FRG1: variants seen among roughly 807,000 people sequenced by gnomAD.
FRG1 encodes the protein protein FRG1.
A neutral mutation model predicts 37.0 loss-of-function variants in FRG1; 19 were observed. The observed-to-expected ratio is 0.51, with a 90% CI of 0.36 to 0.75. FRG1 has a LOEUF of 0.75. FRG1 is among the 30% of genes least tolerant of loss of function. The pLI, the probability that FRG1 is intolerant of heterozygous loss-of-function variation, is 0.00. For synonymous variants in FRG1, 73 were observed against 96.5 expected, an observed-to-expected ratio of 0.76 and a Z score of 1.43; for missense variants, 243 against 301.4, an observed-to-expected ratio of 0.81 and a Z score of 1.44.
rs1054614968 is a variant in FRG1, at chr4:189,940,943, G to C, written c.-67G>C. 6.1e-6 allele frequency: 8 copies of C among 1,309,406 alleles called. No homozygotes were observed. In the African/African-American group the frequency reaches 1.1e-4, roughly 17 times the overall value. The allele number at this position is 1,309,406 out of a possible 1,614,324, so 81.1% of individuals were successfully genotyped here. A position where few individuals can be genotyped will look rare whatever the true frequency, so the allele number is the denominator to read the frequency against. On this transcript the variant is annotated 5_prime_UTR_variant, in exon 1 of 9. Transcript: ENST00000226798. ...CGCTTCTGTTTCTCCGCGCCCCTGT[G>C]CTGCCCCGACTCACATACTCGTCCA...
intron 4 of FRG1, among the ~76,000 whole-genome samples, chr4:189,953,349 T>A (rs2126812156): frequency 6.6e-6 from 1 of 152,192 alleles, no homozygotes; most frequent in East Asian, 1.9e-4. Flanking sequence ...GATTAATAAT[T>A]TCACATACCG....
rs757535867 is a variant in FRG1 at position 189,941,001 on chromosome 4, C to T, written c.-9C>T. 1.2e-6 allele frequency: 2 copies of T among 1,613,214 alleles called. No homozygotes were observed. Among genetic ancestry groups the T allele is most frequent in the Non-Finnish European group, 1.7e-6 (2 of 1,179,334 alleles). The stretch of plus-strand genomic sequence containing the variant: ...CCTCAGCCTCTCCGCGCAGAAGTTT[C>T]CCGGAGCCATGGCCGAGTACTCCTA... On this transcript the variant is annotated 5_prime_UTR_variant, in exon 1 of 9. Coordinates refer to ENST00000226798, the MANE Select transcript of FRG1 (RefSeq NM_004477.3).
intron 7 of FRG1, chr4:189,961,107 G>T: frequency 2.7e-6 from 1 of 365,322 alleles, no homozygotes; most frequent in Non-Finnish European, 5.1e-6. Flanking sequence ...ACACAATGTA[G>T]CCTCTAGGAC....
chr4:189,962,375 G>A (rs1376194276), intron 8 of FRG1, among the ~76,000 whole-genome samples: 3 of 152,116 alleles, frequency 2.0e-5, no homozygotes, highest in Non-Finnish European at 4.4e-5. Context: ...AGTGCAGGAT[G>A]TTTATCATAC....
intron 8 of FRG1, among the ~76,000 whole-genome samples, chr4:189,962,469 G>C (rs562043226): frequency 2.2e-4 from 34 of 152,152 alleles, no homozygotes; most frequent in Admixed American, 5.9e-4. Context: ...ACGTTTAGCT[G>C]TGAGTGTACA....
At chr4:189,962,273 A>G (rs1193183747) in intron 8 of FRG1, among the ~76,000 whole-genome samples, 1 of 152,198 alleles carries the variant, frequency 6.6e-6, no homozygotes, top group Non-Finnish European at 1.5e-5. Flanking sequence ...AGAGTAGTTC[A>G]GGTTCCTTAA....
intron 1 of FRG1, among the ~76,000 whole-genome samples, chr4:189,941,544 C>T (rs1392628058): frequency 6.6e-6 from 1 of 152,136 alleles, no homozygotes; most frequent in Non-Finnish European, 1.5e-5. Context: ...GATATGGGCT[C>T]GAACCTGCAC....
At position 189,957,293 on chromosome 4, in the gene FRG1, T is replaced by G. The variant is rs1249697037; in HGVS notation, c.433-105T>G. ...TTTCAGGTTTTTCTCTAAGTTCTTT[T>G]CTGTGATTTTTAAATCAGGGAGGAA... On this transcript the variant is annotated intron_variant, in intron 5 of 8. Transcript: ENST00000226798. The G allele has an allele frequency of 7.5e-6, 11 of 1,470,332 alleles. No individual in the cohort carries two copies. In the Admixed American group the frequency reaches 9.8e-5, roughly 13 times the overall value. 91.1% of individuals were successfully genotyped at this position (1,470,332 alleles called of 1,614,324 possible).
rs375059055 is a variant in FRG1, at chr4:189,961,959, T to A, written c.740+27T>A. 145 of 1,158,608 alleles carry A rather than the reference T, an allele frequency of 1.3e-4. 1 individual carries two copies. Among genetic ancestry groups the A allele is most frequent in the Non-Finnish European group, 1.7e-4 (138 of 799,534 alleles). 71.8% of individuals were successfully genotyped at this position (1,158,608 alleles called of 1,614,324 possible). A position where few individuals can be genotyped will look rare whatever the true frequency, so the allele number is the denominator to read the frequency against. On this transcript the variant is annotated intron_variant, in intron 8 of 8. Coordinates refer to ENST00000226798, the MANE Select transcript of FRG1 (RefSeq NM_004477.3). Reference sequence around the variant, plus strand: ...TAGCTATTTATTTACTTATTTCCACTATTTTCAGTAGCCAATAGAAATGGC... The same window carrying A: ...TAGCTATTTATTTACTTATTTCCACAATTTTCAGTAGCCAATAGAAATGGC...
intron 6 of FRG1, among the ~76,000 whole-genome samples, chr4:189,958,083 A>G (rs1021609880): frequency 1.3e-5 from 2 of 150,278 alleles, no homozygotes; most frequent in Non-Finnish European, 3.0e-5. Context: ...AGAGTTTTCT[A>G]CTATGAGTTT....
intron 2 of FRG1, among the ~76,000 whole-genome samples, chr4:189,945,071 G>A (rs985636041): frequency 6.6e-6 from 1 of 152,086 alleles, no homozygotes; most frequent in Non-Finnish European, 1.5e-5. Flanking sequence ...TGATTTTCCA[G>A]TTGTTTGCTG....
rs1736442605 is a variant in FRG1, at chr4:189,944,385, CCAGGATGGTCAGAAGCTTT to C, written c.133+1114_133+1132del. ...TAGCAACAGGGTTTCACCATGTTAG[CCAGGATGGTCAGAAGCTTT>C]TAATTTTTATAAAGCTCAGTTTATT... is the stretch of plus-strand genomic sequence containing the variant. On this transcript the variant is annotated intron_variant, in intron 2 of 8. Coordinates refer to ENST00000226798, the MANE Select transcript of FRG1 (RefSeq NM_004477.3). Among the ~76,000 whole-genome samples, 3 of 152,130 alleles carry C rather than the reference CCAGGATGGTCAGAAGCTTT, an allele frequency of 2.0e-5. No homozygotes were observed. In the South Asian group the frequency reaches 6.2e-4, roughly 32 times the overall value.
At position 189,941,076 on chromosome 4, in the gene FRG1, G is replaced by C. The variant is rs1736268842; in HGVS notation, c.62+5G>C. On this transcript the variant is annotated splice_donor_5th_base_variant and intron_variant, in intron 1 of 8. Transcript: ENST00000226798. Reference sequence around the variant, plus strand: ...CAAGGGAACCAAGACGAAGAGGTGGGTCCTGCAGCTTGGGCGGGAGCCTCC... The same window carrying C: ...CAAGGGAACCAAGACGAAGAGGTGGCTCCTGCAGCTTGGGCGGGAGCCTCC... 1.2e-6 allele frequency: 2 copies of C among 1,613,156 alleles called. No homozygotes were observed. The highest frequency in any genetic ancestry group is 1.7e-6 in the Non-Finnish European group (2 of 1,179,116).
chr4:189,952,266 C>G lies in FRG1; in HGVS notation c.238C>G (p.Leu80Val), dbSNP rs555522403. 44 of 1,610,950 alleles carry G rather than the reference C, an allele frequency of 2.7e-5. No individual in the cohort carries two copies. The highest frequency in any genetic ancestry group is 3.6e-5 in the Non-Finnish European group (43 of 1,179,218). Reference protein sequence around the residue: ...IHALDNGLFTLGAPHKEVDEG... With the variant: ...IHALDNGLFTVGAPHKEVDEG... Reference sequence around the variant, plus strand: ...TGCACTCGACAATGGTCTTTTTACCCTGGGAGCTCCACACAAAGAAGGTTT... The same window carrying G: ...TGCACTCGACAATGGTCTTTTTACCGTGGGAGCTCCACACAAAGAAGGTTT... The change falls in exon 3 of 9, where the codon CTG becomes GTG. Residue 80 changes from leucine to valine, a missense_variant. Leu to Val is a conservative substitution (Grantham distance 32, BLOSUM62 1). Around this residue, in one of 2 missense-constraint regions of FRG1, gnomAD observed 110 missense variants for 102.2 expected, o/e 1.08. Transcript: ENST00000226798.
chr4:189,956,447 C>CG (rs1014947156), intron 5 of FRG1, among the ~76,000 whole-genome samples: 1 of 152,090 alleles, frequency 6.6e-6, no homozygotes, highest in African/African-American at 2.4e-5. Context: ...AGGAAGGACA[C>CG]TAAGTTTCAA....
chr4:189,946,652 A>C (rs1424082562), intron 2 of FRG1, among the ~76,000 whole-genome samples: 1 of 151,734 alleles, frequency 6.6e-6, no homozygotes, highest in Non-Finnish European at 1.5e-5. Flanking sequence ...TTTCCTTGTG[A>C]TTTTTCTTTT....
At chr4:189,946,170 C>G (rs1160639790) in intron 2 of FRG1, among the ~76,000 whole-genome samples, 3 of 151,988 alleles carry the variant, frequency 2.0e-5, no homozygotes, top group African/African-American at 7.2e-5. Flanking sequence ...TTTCTCAATT[C>G]TTTACAAGAT....
chr4:189,961,686 G>T, intron 7 of FRG1, 136 bp from the exon 8 acceptor site: 2 of 520,536 alleles, frequency 3.8e-6, no homozygotes, highest in South Asian at 5.9e-5. Context: ...GGGATTGCAG[G>T]CATGAGCCAC....
intron 2 of FRG1, among the ~76,000 whole-genome samples, chr4:189,948,380 A>G (rs1005107047): frequency 9.9e-5 from 15 of 152,244 alleles, no homozygotes; most frequent in Non-Finnish European, 1.9e-4. Context: ...GACTTACAAC[A>G]TCGTACTTTG....
Sources: allele counts gnomAD v4.1 joint callset (sites outside exome capture counted in the v4.1 genomes callset), GRCh38; gene constraint gnomAD v4.1.1; regional missense constraint gnomAD v4.1.1; transcripts MANE v1.5; gene names NCBI Gene and HGNC (gene_info 2026-07-23, HGNC 2026-07-21).